The following SAMD5 variants were observed in gnomAD, a reference collection of about 807,000 sequenced individuals.
SAMD5 encodes sterile alpha motif domain-containing protein 5.
SAMD5 carries 13 observed loss-of-function variants against 11.3 expected under a neutral mutation model. That is an observed-to-expected ratio of 1.15 (90% CI 0.75 to 1.83). The LOEUF (loss-of-function observed/expected upper bound fraction) is 1.83. SAMD5 is among the 40% of genes most tolerant of loss of function. The pLI, the probability that SAMD5 is intolerant of heterozygous loss-of-function variation, is 0.00. For synonymous variants in SAMD5, 129 were observed against 111.3 expected (o/e 1.16, Z -1.00); for missense variants, 255 against 239.1 (o/e 1.07, Z -0.44).
chr6:147,827,663 T>C, the SAMD5 span, among the ~76,000 whole-genome samples: 1 of 152,240 alleles, frequency 6.6e-6, no homozygotes, highest in Admixed American at 6.5e-5. Flanking sequence ...CTACTTCTAC[T>C]AGAACAGCTC....
intron 1 of SAMD5, among the ~76,000 whole-genome samples, chr6:147,724,196 C>T (rs1451511822): frequency 6.6e-6 from 1 of 152,180 alleles, no homozygotes; most frequent in Non-Finnish European, 1.5e-5. Flanking sequence ...GGCACAATCT[C>T]AGCTCACTGC....
the SAMD5 span, among the ~76,000 whole-genome samples, chr6:147,898,717 T>C: frequency 6.6e-6 from 1 of 152,316 alleles, no homozygotes; most frequent in South Asian, 2.1e-4. Context: ...TATCACATTA[T>C]AGCATATAAT....
chr6:147,914,334 A>G, the SAMD5 span, among the ~76,000 whole-genome samples: 2 of 152,086 alleles, frequency 1.3e-5, no homozygotes, highest in Non-Finnish European at 2.9e-5. Flanking sequence ...GAAAACAGAC[A>G]ACAACAACAA....
intron 1 of SAMD5, among the ~76,000 whole-genome samples, chr6:147,625,004 C>T (rs1452021957): frequency 2.0e-5 from 3 of 152,184 alleles, no homozygotes; most frequent in Non-Finnish European, 4.4e-5. Flanking sequence ...GGCAATCCTT[C>T]TGTAGCTCAG....
chr6:147,870,441 TGTGTGTGA>T, the SAMD5 span, among the ~76,000 whole-genome samples: 77 of 118,220 alleles, frequency 6.5e-4, no homozygotes, highest in African/African-American at 1.6e-3. Context: ...GGTGTGTGTG[TGTGTGTGA>T]GTGTGTGTGT....
the SAMD5 span, among the ~76,000 whole-genome samples, chr6:147,899,169 T>TC: frequency 2.4e-5 from 1 of 41,132 alleles, no homozygotes; most frequent in African/African-American, 2.8e-4. Context: ...AGACTCTGTC[T>TC]CAAAAAAAAA....
At chr6:147,730,614 G>A (rs1386539982) in intron 1 of SAMD5, among the ~76,000 whole-genome samples, 2 of 152,180 alleles carry the variant, frequency 1.3e-5, no homozygotes, top group African/African-American at 4.8e-5. Flanking sequence ...TCTAGGAGAT[G>A]TGGGCATGTT....
chr6:147,535,868 T>C (rs953600470), intron 1 of SAMD5, among the ~76,000 whole-genome samples: 1 of 152,214 alleles, frequency 6.6e-6, no homozygotes, highest in African/African-American at 2.4e-5. Context: ...GTACAGGGAC[T>C]CTGTGTGGAC....
At chr6:147,874,732 G>A in the SAMD5 span, among the ~76,000 whole-genome samples, 3 of 129,122 alleles carry the variant, frequency 2.3e-5, no homozygotes, top group African/African-American at 2.6e-5. Flanking sequence ...TGAAGATGTC[G>A]AACAAGAATT....
chr6:147,589,821 G>A lies in SAMD5; in HGVS notation c.162+80434G>A, dbSNP rs559946427. ...GTATAAATGTGATGCCTAACACATA[G>A]TCAGCACTTACTTCATGAAATCCAA... On this transcript the variant is annotated intron_variant, in intron 1 of 1. Coordinates refer to the SAMD5 transcript ENST00000566741. Among the ~76,000 whole-genome samples the A allele has an allele frequency of 2.0e-5, 3 of 152,300 alleles. No individual in the cohort carries two copies. The South Asian group carries it at 6.2e-4, about 32-fold the overall frequency.
At chr6:147,573,926 C>T (rs569161633), downstream of SAMD5, among the ~76,000 whole-genome samples, 72 of 152,056 alleles carry the variant, frequency 4.7e-4, no homozygotes, top group Non-Finnish European at 8.1e-4. Context: ...AGATCAAGAC[C>T]ATCCTGGCCA....
intron 1 of SAMD5, among the ~76,000 whole-genome samples, chr6:147,666,685 A>T (rs1274410683): frequency 1.3e-5 from 2 of 152,192 alleles, no homozygotes; most frequent in African/African-American, 4.8e-5. Context: ...TTCGTATTTG[A>T]TTCAAAATGC....
intron 1 of SAMD5, among the ~76,000 whole-genome samples, chr6:147,663,791 CAAAAA>C (rs199707045): frequency 9.6e-5 from 8 of 83,088 alleles, no homozygotes; most frequent in Non-Finnish European, 1.3e-4. Context: ...AACTCTGTCT[CAAAAA>C]AAAAAAAAAA....
At chr6:147,759,230 T>C in the SAMD5 span, among the ~76,000 whole-genome samples, 1 of 152,202 alleles carries the variant, frequency 6.6e-6, no homozygotes, top group Non-Finnish European at 1.5e-5. Flanking sequence ...TACTTGGTAG[T>C]TGCAACATCC....
the SAMD5 span, among the ~76,000 whole-genome samples, chr6:147,756,249 A>C: frequency 6.6e-6 from 1 of 152,136 alleles, no homozygotes; most frequent in Non-Finnish European, 1.5e-5. Context: ...ACATATACTA[A>C]AACTGATTTG....
intron 1 of SAMD5, among the ~76,000 whole-genome samples, chr6:147,661,850 C>T (rs1417324019): frequency 2.6e-5 from 4 of 152,034 alleles, no homozygotes; most frequent in East Asian, 1.9e-4. Context: ...AGGCTGGTCT[C>T]GAACTCTTGA....
At chr6:147,849,432 G>A in the SAMD5 span, among the ~76,000 whole-genome samples, 1 of 151,962 alleles carries the variant, frequency 6.6e-6, no homozygotes, top group African/African-American at 2.4e-5. Context: ...GCTTCTGAAA[G>A]AAATACGTAC....
chr6:147,725,529 C>T (rs1791613810), intron 1 of SAMD5, among the ~76,000 whole-genome samples: 1 of 152,016 alleles, frequency 6.6e-6, no homozygotes, highest in Admixed American at 6.6e-5. Context: ...GCTGGGATTA[C>T]AGGTGCCCAC....
At chr6:147,614,705 G>A (rs1450242918) in intron 1 of SAMD5, among the ~76,000 whole-genome samples, 1 of 151,824 alleles carries the variant, frequency 6.6e-6, no homozygotes, top group Non-Finnish European at 1.5e-5. Flanking sequence ...TGCCTGGGAA[G>A]GGACCCAAGA....
Sources: allele counts gnomAD v4.1 joint callset (sites outside exome capture counted in the v4.1 genomes callset), GRCh38; gene constraint gnomAD v4.1.1; transcripts MANE v1.5; gene names NCBI Gene and HGNC (gene_info 2026-07-23, HGNC 2026-07-21).